SLC48A1: variants seen among roughly 807,000 people sequenced by gnomAD.
SLC48A1 encodes heme transporter HRG1.
In SLC48A1, 6 loss-of-function variants were observed where a neutral mutation model predicts 14.8. The observed-to-expected ratio is 0.41, with a 90% CI of 0.22 to 0.80. The LOEUF is 0.80. Among genes scored for constraint, SLC48A1 ranks in the 30% least tolerant of loss-of-function variants. SLC48A1 has a pLI of 0.34. For missense variants in SLC48A1, 165 were observed against 204.8 expected (o/e 0.81, Z 1.19); for synonymous variants, 89 against 90.0 (o/e 0.99, Z 0.06).
At chr12:47,765,144 GGAGAGAGAAACAGAAAAGTGGGATCCA>G (rs1461739767) in intron 2 of SLC48A1, among the ~76,000 whole-genome samples, 22 of 147,464 alleles carry the variant, frequency 1.5e-4, no homozygotes, top group Admixed American at 3.4e-4. Flanking sequence ...AAGAGGGTCT[GGAGAGAGAAACAGAAAAGTGGGATCCA>G]GAGAGAGAAA....
intron 2 of SLC48A1, among the ~76,000 whole-genome samples, chr12:47,761,433 C>A (rs117840973): frequency 2.0e-5 from 3 of 152,202 alleles, no homozygotes; most frequent in African/African-American, 7.2e-5. Flanking sequence ...GGCTCCTAGC[C>A]TGGGGAGATC....
At chr12:47,762,920 A>G (rs912782297) in intron 2 of SLC48A1, among the ~76,000 whole-genome samples, 1 of 152,230 alleles carries the variant, frequency 6.6e-6, no homozygotes, top group African/African-American at 2.4e-5. Flanking sequence ...TAAACTGGAG[A>G]GCTCAAACTG....
intron 1 of SLC48A1, among the ~76,000 whole-genome samples, chr12:47,759,736 G>A (rs951116450): frequency 2.6e-5 from 4 of 152,236 alleles, no homozygotes; most frequent in Non-Finnish European, 5.9e-5. Context: ...TGGAGAGACA[G>A]TGGCCGGGGA....
chr12:47,774,688 C>T (rs1942702816), intron 1 of SLC48A1, among the ~76,000 whole-genome samples: 1 of 152,106 alleles, frequency 6.6e-6, no homozygotes, highest in Admixed American at 6.5e-5. Context: ...GCATACAGGG[C>T]CCCACCCTAC....
upstream of SLC48A1, chr12:47,770,713 T>C: frequency 4.7e-6 from 2 of 425,288 alleles, no homozygotes; most frequent in South Asian, 3.4e-5. Flanking sequence ...AAACACAGAA[T>C]TGTGAGTTTT....
chr12:47,758,136 C>CA, upstream of SLC48A1: 1 of 1,522,048 alleles, frequency 6.6e-7, no homozygotes, highest in Non-Finnish European at 8.8e-7. Flanking sequence ...GGCTGGGCCA[C>CA]AGTACAACTG....
chr12:47,781,057 T>G lies in SLC48A1; in HGVS notation c.*776T>G, dbSNP rs1942863590. 1 of 373,730 alleles carries G rather than the reference T, an allele frequency of 2.7e-6. No individual in the cohort carries two copies. The highest frequency in any genetic ancestry group is 2.0e-5 in the South Asian group (1 of 50,130). 23.2% of individuals were successfully genotyped at this position (373,730 alleles called of 1,614,324 possible). On this transcript the variant is annotated 3_prime_UTR_variant, in exon 3 of 3. Coordinates refer to ENST00000442218, the MANE Select transcript of SLC48A1 (RefSeq NM_017842.3). ...CTGGGGAGGTCAGTTCAGAAATATC[T>G]AGCAGAGACCTCTTAAACCCCCATC...
At chr12:47,770,719 G>A (rs1280702488), upstream of SLC48A1, 4 of 429,148 alleles carry the variant, frequency 9.3e-6, no homozygotes, top group East Asian at 2.8e-4. Flanking sequence ...AGAATTGTGA[G>A]TTTTCTCCCC....
At position 47,780,326 on chromosome 12, in the gene SLC48A1, G is replaced by A. The variant is rs771517880; in HGVS notation, c.*45G>A. 7 of 1,613,980 alleles carry A rather than the reference G, an allele frequency of 4.3e-6. No homozygotes were observed. The highest frequency in any genetic ancestry group is 2.2e-5 in the East Asian group (1 of 44,876). On this transcript the variant is annotated 3_prime_UTR_variant, in exon 3 of 3. Transcript: ENST00000442218. ...GCACCCTGGGGGGGCCTTAGGACCT[G>A]GACTCAGCCTCTGAGATGTTGGGAG...
chr12:47,760,929 GCTCACGCCTGTAATCCCAACA>G (rs1456736619), intron 2 of SLC48A1, among the ~76,000 whole-genome samples: 3 of 152,220 alleles, frequency 2.0e-5, no homozygotes, highest in African/African-American at 7.2e-5. Flanking sequence ...GGGTGCGATG[GCTCACGCCTGTAATCCCAACA>G]CCTTGGGAGG....
chr12:47,765,645 G>C (rs1942501577), intron 2 of SLC48A1, among the ~76,000 whole-genome samples: 1 of 152,214 alleles, frequency 6.6e-6, no homozygotes, highest in African/African-American at 2.4e-5. Flanking sequence ...ACCCACCTCA[G>C]GGCCTGGCCT....
intron 2 of SLC48A1, among the ~76,000 whole-genome samples, chr12:47,762,009 C>T (rs1391374122): frequency 6.6e-6 from 1 of 152,224 alleles, no homozygotes; most frequent in East Asian, 1.9e-4. Flanking sequence ...GCAGTCCTGC[C>T]TCTGAAACAT....
intron 2 of SLC48A1, among the ~76,000 whole-genome samples, chr12:47,765,619 CT>C (rs927566503): frequency 3.3e-5 from 5 of 152,238 alleles, no homozygotes; most frequent in African/African-American, 9.6e-5. Context: ...GTCACTGCCC[CT>C]GAGTCTGGCT....
chr12:47,766,629 C>T (rs1005203416), upstream of SLC48A1, among the ~76,000 whole-genome samples: 14 of 152,150 alleles, frequency 9.2e-5, no homozygotes, highest in African/African-American at 1.4e-4. Context: ...TCTCCCCAGG[C>T]AGCTGCACCT....
chr12:47,766,394 C>G (rs1387361573), intron 2 of SLC48A1, among the ~76,000 whole-genome samples: 5 of 152,162 alleles, frequency 3.3e-5, no homozygotes, highest in Non-Finnish European at 7.3e-5. Context: ...TCCAAGGAGT[C>G]AAGGAAGTCA....
chr12:47,776,990 G>A (rs190282151), intron 1 of SLC48A1, among the ~76,000 whole-genome samples: 222 of 152,274 alleles, frequency 1.5e-3, no homozygotes, highest in Admixed American at 0.01. Context: ...GACAGAGGGC[G>A]AGGGGACCTG....
intron 2 of SLC48A1, among the ~76,000 whole-genome samples, chr12:47,765,938 T>G (rs7135791): frequency 0.12 from 18,090 of 151,798 alleles, 1,362 homozygotes; most frequent in Non-Finnish European, 0.17. Context: ...TCCCAAGATC[T>G]GTCTTTCCCT....
At chr12:47,760,713 C>T (rs1942355224) in intron 2 of SLC48A1, among the ~76,000 whole-genome samples, 1 of 150,408 alleles carries the variant, frequency 6.6e-6, no homozygotes, top group Non-Finnish European at 1.5e-5. Context: ...ATCCTCACGT[C>T]ACAGATGGGG....
chr12:47,773,976 C>G (rs577080371), intron 1 of SLC48A1, among the ~76,000 whole-genome samples: 5 of 152,358 alleles, frequency 3.3e-5, no homozygotes, highest in African/African-American at 9.6e-5. Context: ...CCAGAGGGCT[C>G]CCCCGCAGAG....
Sources: allele counts gnomAD v4.1 joint callset (sites outside exome capture counted in the v4.1 genomes callset), GRCh38; gene constraint gnomAD v4.1.1; transcripts MANE v1.5; gene names NCBI Gene and HGNC (gene_info 2026-07-23, HGNC 2026-07-21).